Variants in BICRAL observed in about 807,000 individuals in gnomAD.
The protein encoded by BICRAL is BRD4-interacting chromatin-remodeling complex-associated protein-like.
In BICRAL, 8 loss-of-function variants were observed where a neutral mutation model predicts 91.8. The observed-to-expected ratio is 0.09, with a 90% CI of 0.05 to 0.16. The LOEUF is 0.16. Among genes scored for constraint, BICRAL ranks in the 10% least tolerant of loss-of-function variants. BICRAL has a pLI of 1.00. For missense variants in BICRAL, 1,038 were observed against 1,310.9 expected (o/e 0.79, Z 3.21); for synonymous variants, 445 against 491.1 (o/e 0.91, Z 1.24).
chr6:42,842,208 C>T (rs1412267485), intron 6 of BICRAL, among the ~76,000 whole-genome samples: 2 of 152,162 alleles, frequency 1.3e-5, no homozygotes, highest in East Asian at 3.8e-4. Context: ...TAGGCATCAG[C>T]ATTTTTCAAA....
upstream of BICRAL, among the ~76,000 whole-genome samples, chr6:42,746,714 GC>G (rs1762280838): frequency 1.4e-5 from 2 of 144,442 alleles, no homozygotes; most frequent in African/African-American, 2.6e-5. Context: ...CATCCTTACC[GC>G]CCCCCTCCCC....
chr6:42,807,104 T>C (rs1452933460), intron 1 of BICRAL, among the ~76,000 whole-genome samples: 1 of 152,234 alleles, frequency 6.6e-6, no homozygotes, highest in African/African-American at 2.4e-5. Context: ...GTGCTGGGCT[T>C]ACAGGCGTGA....
At chr6:42,767,858 G>A (rs1762656823) in intron 1 of BICRAL, among the ~76,000 whole-genome samples, 1 of 152,186 alleles carries the variant, frequency 6.6e-6, no homozygotes, top group South Asian at 2.1e-4. Context: ...CAGGCAACAG[G>A]AAGAACACAG....
At chr6:42,791,737 T>A (rs2113879241) in intron 1 of BICRAL, among the ~76,000 whole-genome samples, 1 of 152,286 alleles carries the variant, frequency 6.6e-6, no homozygotes, top group South Asian at 2.1e-4. Flanking sequence ...GTGCTAGGAC[T>A]ATAGGTGTGA....
At position 42,770,412 on chromosome 6, in the gene BICRAL, ATTTT is replaced by A. The variant is rs531644287; in HGVS notation, c.-260-11411_-260-11408del. On this transcript the variant is annotated intron_variant, in intron 1 of 14. Transcript: ENST00000614467. Reference sequence around the variant, plus strand: ...CCCGGCTAATTTTATTATTATTATTATTTTTTTTTTTTTTTTTTTGAGACGGAGC... The same window carrying A: ...CCCGGCTAATTTTATTATTATTATTATTTTTTTTTTTTTTTGAGACGGAGC... Among the ~76,000 whole-genome samples the A allele has an allele frequency of 3.8e-3, 478 of 126,206 alleles. 5 individuals carry two copies. The highest frequency in any genetic ancestry group is 0.012 in the African/African-American group (396 of 31,832). The allele number at this position is 126,206 out of a possible 152,430, so 82.8% of individuals were successfully genotyped here. A position where few individuals can be genotyped will look rare whatever the true frequency, so the allele number is the denominator to read the frequency against.
intron 5 of BICRAL, among the ~76,000 whole-genome samples, chr6:42,825,874 G>A (rs1764285365): frequency 6.6e-6 from 1 of 152,112 alleles, no homozygotes; most frequent in African/African-American, 2.4e-5. Context: ...CTGAGGTGAG[G>A]AGTTCAAGAC....
At chr6:42,777,359 C>T (rs1762821273), upstream of BICRAL, among the ~76,000 whole-genome samples, 1 of 152,134 alleles carries the variant, frequency 6.6e-6, no homozygotes, top group African/African-American at 2.4e-5. Context: ...ATGACTTGCC[C>T]AAAGCCACAC....
intron 1 of BICRAL, among the ~76,000 whole-genome samples, chr6:42,786,788 C>G (rs1399687172): frequency 2.0e-5 from 3 of 152,080 alleles, no homozygotes; most frequent in African/African-American, 7.2e-5. Flanking sequence ...GGAGACATTT[C>G]AGACCTGGGA....
In BICRAL at chr6:42,844,049, G is replaced by A. The variant is rs1179620875; in HGVS notation, c.1840-8043G>A. Among the ~76,000 whole-genome samples the A allele has an allele frequency of 8.1e-5, 12 of 147,322 alleles. No homozygotes were observed. In the East Asian group the frequency reaches 1.6e-3, roughly 20 times the overall value. On this transcript the variant is annotated intron_variant, in intron 6 of 12. Transcript: ENST00000314073. ...GAACTCCTGACCTTGTGATCCGCCC[G>A]CCTCGGCCTCCTAAAGTGCTGGGAT...
chr6:42,863,392 A>G (rs1765617698), intron 12 of BICRAL, among the ~76,000 whole-genome samples: 1 of 152,102 alleles, frequency 6.6e-6, no homozygotes, highest in African/African-American at 2.4e-5. Context: ...AGCCTGGTGC[A>G]GTTCAGTGCT....
At chr6:42,848,902 C>T (rs1765097611) in intron 6 of BICRAL, among the ~76,000 whole-genome samples, 1 of 152,152 alleles carries the variant, frequency 6.6e-6, no homozygotes, top group Admixed American at 6.5e-5. Flanking sequence ...GGCCAGGACA[C>T]CTGTCCAGGT....
chr6:42,779,223 AACACACACAC>A (rs57493144), upstream of BICRAL, among the ~76,000 whole-genome samples: 14,863 of 132,434 alleles, frequency 0.11, 841 homozygotes, highest in Non-Finnish European at 0.13. Flanking sequence ...TCTCAAGAAA[AACACACACAC>A]ACACACACAC....
At chr6:42,780,725 ATGTTGT>A (rs775257336), upstream of BICRAL, among the ~76,000 whole-genome samples, 25 of 145,206 alleles carry the variant, frequency 1.7e-4, no homozygotes, top group African/African-American at 5.2e-4. Flanking sequence ...AGGCCACGTA[ATGTTGT>A]TGTTGTTGTT....
chr6:42,830,109 C>T lies in BICRAL; in HGVS notation c.1776C>T (p.Ser592=), dbSNP rs887110854. 8.7e-6 allele frequency: 14 copies of T among 1,613,950 alleles called. No individual in the cohort carries two copies. Among genetic ancestry groups the T allele is most frequent in the Non-Finnish European group, 1.2e-5 (14 of 1,179,930 alleles). Reference sequence around the variant, plus strand: ...CTCATCGTCTTCCAGTTTCTTCTTCCAAGTCTACCAGCACCTTCAGTAACA... The same window carrying T: ...CTCATCGTCTTCCAGTTTCTTCTTCTAAGTCTACCAGCACCTTCAGTAACA... ...SVSHRLPVSS[S]KSTSTFSNTP... Residue 592 remains serine (S), a synonymous_variant, in exon 6 of 13, where the codon TCC becomes TCT. Coordinates refer to ENST00000314073, the MANE Select transcript of BICRAL (RefSeq NM_001393499.1).
At chr6:42,848,380 A>C (rs776415688) in intron 6 of BICRAL, among the ~76,000 whole-genome samples, 1 of 152,028 alleles carries the variant, frequency 6.6e-6, no homozygotes, top group Admixed American at 6.6e-5. Context: ...GCACCACTGC[A>C]CTCCAGCCTC....
intron 1 of BICRAL, among the ~76,000 whole-genome samples, chr6:42,795,439 A>G (rs1002166068): frequency 1.3e-5 from 2 of 152,240 alleles, no homozygotes; most frequent in Admixed American, 6.5e-5. Flanking sequence ...TCTCAAATAA[A>G]TAAATAAATA....
chr6:42,789,301 A>G (rs1359743479), intron 1 of BICRAL, among the ~76,000 whole-genome samples: 1 of 152,104 alleles, frequency 6.6e-6, no homozygotes, highest in Non-Finnish European at 1.5e-5. Context: ...CCAATCCTGG[A>G]AAAAAATGGT....
intron 6 of BICRAL, among the ~76,000 whole-genome samples, chr6:42,836,440 G>T (rs1207828284): frequency 1.3e-5 from 2 of 151,910 alleles, no homozygotes; most frequent in South Asian, 2.1e-4. Context: ...CATTATTTCA[G>T]GTGTTCAAGT....
At chr6:42,821,434 G>A (rs935379138) in intron 2 of BICRAL, among the ~76,000 whole-genome samples, 4 of 152,144 alleles carry the variant, frequency 2.6e-5, no homozygotes, top group Middle Eastern at 3.2e-3. Context: ...GAACAGGGGT[G>A]GTGCTGCTGC....
Sources: allele counts gnomAD v4.1 joint callset (sites outside exome capture counted in the v4.1 genomes callset), GRCh38; gene constraint gnomAD v4.1.1; transcripts MANE v1.5; gene names NCBI Gene and HGNC (gene_info 2026-07-23, HGNC 2026-07-21).